Variants in MGA observed in about 807,000 individuals in gnomAD.
MGA encodes MAX gene-associated protein.
In MGA, 40 loss-of-function variants were observed where a neutral mutation model predicts 261.1. That is an observed-to-expected ratio of 0.15 (90% CI 0.12 to 0.20). MGA has a LOEUF of 0.20. Among genes scored for constraint, MGA ranks in the 10% least tolerant of loss-of-function variants. MGA has a pLI of 1.00. For synonymous variants in MGA, 1,302 were observed against 1,290.6 expected (o/e 1.01, Z -0.19); for missense variants, 3,397 against 3,630.5 (o/e 0.94, Z 1.65).
intron 1 of MGA, among the ~76,000 whole-genome samples, chr15:41,650,148 G>C (rs1325658494): frequency 6.6e-6 from 1 of 152,130 alleles, no homozygotes; most frequent in Non-Finnish European, 1.5e-5. Context: ...ATTGAGTATT[G>C]GTTATCTGAT....
At position 41,767,148 on chromosome 15, in the gene MGA, G is replaced by A. The variant is rs532901113; in HGVS notation, c.9066G>A (p.Gly3022=). The A allele has an allele frequency of 2.5e-6, 4 of 1,613,850 alleles. No individual in the cohort carries two copies. The African/African-American group carries it at 4.0e-5, about 16-fold the overall frequency. The change falls in exon 24 of 24, where the codon GGG becomes GGA. Residue 3022 remains glycine (G), a synonymous_variant. Transcript: ENST00000219905. Reference sequence around the variant, plus strand: ...TGGCACCTATAGCTGCCAAAGTTGGGTCAGTTGGACACAAAATGAACTTAA... The same window carrying A: ...TGGCACCTATAGCTGCCAAAGTTGGATCAGTTGGACACAAAATGAACTTAA...
intron 7 of MGA, 76 bp from the exon 8 acceptor site, chr15:41,710,615 C>G (rs1470557359): frequency 1.5e-6 from 2 of 1,377,412 alleles, no homozygotes; most frequent in African/African-American, 2.9e-5. Flanking sequence ...TATTCTTGGC[C>G]ATTTTTAGTG....
chr15:41,764,378 C>T (rs1288275710), intron 22 of MGA, among the ~76,000 whole-genome samples: 2 of 151,644 alleles, frequency 1.3e-5, no homozygotes, highest in Non-Finnish European at 2.9e-5. Context: ...CTCAGCCTGC[C>T]GTGTAGCTGG....
At chr15:41,704,845 C>G (rs1431684261) in intron 5 of MGA, among the ~76,000 whole-genome samples, 1 of 152,080 alleles carries the variant, frequency 6.6e-6, no homozygotes, top group Non-Finnish European at 1.5e-5. Context: ...GTAGGTGAAT[C>G]TGTCTTTGCT....
intron 22 of MGA, among the ~76,000 whole-genome samples, chr15:41,763,758 A>AAAACG (rs2063633975): frequency 6.6e-6 from 1 of 152,188 alleles, no homozygotes; most frequent in Non-Finnish European, 1.5e-5. Flanking sequence ...AAAACAAAAC[A>AAAACG]AAACAAAACA....
chr15:41,749,734 G>A lies in MGA; in HGVS notation c.6127G>A (p.Ala2043Thr). The stretch of plus-strand genomic sequence containing the variant: ...AGAATGCCTTCCAGAAGAAGGTTGT[G>A]CAACTGTCAAACCATCTGAGCATTC... The change falls in exon 17 of 24, where the codon GCA becomes ACA. Residue 2043 changes from alanine to threonine, a missense_variant. Transcript: ENST00000219905. The A allele has an allele frequency of 6.2e-7, 1 of 1,613,978 alleles. No homozygotes were observed. Among genetic ancestry groups the A allele is most frequent in the Non-Finnish European group, 8.5e-7 (1 of 1,179,884 alleles).
At chr15:41,672,172 C>T (rs2058097847) in intron 2 of MGA, among the ~76,000 whole-genome samples, 1 of 152,082 alleles carries the variant, frequency 6.6e-6, no homozygotes, top group African/African-American at 2.4e-5. Flanking sequence ...GTTTGTTTTT[C>T]GAGATAGTGT....
chr15:41,666,405 C>G (rs1011763401), intron 1 of MGA, among the ~76,000 whole-genome samples: 2 of 151,650 alleles, frequency 1.3e-5, no homozygotes, highest in South Asian at 2.1e-4. Context: ...TTTTAAAGAC[C>G]GAAATACTGT....
rs565020072 is a variant in MGA, at chr15:41,628,731, C to CA, written c.-68+7434dup. Among the ~76,000 whole-genome samples, 45 of 152,162 alleles carry CA rather than the reference C, an allele frequency of 3.0e-4. No individual in the cohort carries two copies. The East Asian group carries it at 6.4e-3, about 22-fold the overall frequency. The stretch of plus-strand genomic sequence containing the variant: ...GGGGCTCAGATTGTGTAGAGCCTTG[C>CA]AGGCCATGAGGTTTTTGGATTTTAT... On this transcript the variant is annotated intron_variant, in intron 1 of 8. Transcript: ENST00000566718.
At chr15:41,651,872 C>T (rs1338382817) in intron 1 of MGA, among the ~76,000 whole-genome samples, 2 of 92,056 alleles carry the variant, frequency 2.2e-5, no homozygotes, top group African/African-American at 8.8e-5. Flanking sequence ...TCTCTCCCCT[C>T]TTCTCTCCGC....
intron 9 of MGA, among the ~76,000 whole-genome samples, chr15:41,720,196 G>A (rs901454388): frequency 6.6e-6 from 1 of 152,134 alleles, no homozygotes; most frequent in African/African-American, 2.4e-5. Flanking sequence ...CGTGATATGG[G>A]TGATATTGGC....
At chr15:41,753,113 G>GAAAT (rs1567089956) in intron 17 of MGA, among the ~76,000 whole-genome samples, 1 of 152,092 alleles carries the variant, frequency 6.6e-6, no homozygotes, top group South Asian at 2.1e-4. Context: ...ATATTATTTA[G>GAAAT]AAATACTGCA....
intron 19 of MGA, among the ~76,000 whole-genome samples, chr15:41,759,771 G>T (rs2151984512): frequency 1.3e-5 from 2 of 152,176 alleles, no homozygotes; most frequent in Middle Eastern, 3.4e-3. Flanking sequence ...AATGTTATGG[G>T]GGTTTAGGTA....
At chr15:41,656,442 A>C (rs957432247), upstream of MGA, among the ~76,000 whole-genome samples, 1 of 147,114 alleles carries the variant, frequency 6.8e-6, no homozygotes, top group Non-Finnish European at 1.5e-5. Context: ...CCTGGGCTTA[A>C]ACAGTCCTCC....
At chr15:41,657,393 G>C (rs547948935), upstream of MGA, among the ~76,000 whole-genome samples, 1 of 127,706 alleles carries the variant, frequency 7.8e-6, no homozygotes, top group African/African-American at 3.2e-5. Context: ...TTGCTCTGTC[G>C]TTCAGGCTGG....
intron 3 of MGA, among the ~76,000 whole-genome samples, chr15:41,697,632 T>C (rs2059610631): frequency 6.6e-6 from 1 of 151,974 alleles, no homozygotes; most frequent in Admixed American, 6.6e-5. Flanking sequence ...GGCCAGCTAA[T>C]TTCTAACTTC....
intron 3 of MGA, among the ~76,000 whole-genome samples, 171 bp downstream of exon 3, chr15:41,697,194 G>A (rs961868970): frequency 6.6e-6 from 1 of 152,002 alleles, no homozygotes; most frequent in Non-Finnish European, 1.5e-5. Context: ...TTAGTTAATA[G>A]GAATAACTTA....
At position 41,766,634 on chromosome 15, in the gene MGA, T is replaced by C; in HGVS notation, c.8552T>C (p.Met2851Thr). ...GGCCTGGCTGAACTACCCAGCTCTA[T>C]GGATACAGAGTTCCCAGGGGATGCT... is the stretch of plus-strand genomic sequence containing the variant. The change falls in exon 24 of 24, where the codon ATG (methionine) becomes ACG (threonine). Residue 2851 changes from methionine (M) to threonine (T), a missense_variant. Physicochemically the swap from Met to Thr is moderately conservative, Grantham distance 81. Coordinates refer to ENST00000219905, the MANE Select transcript of MGA (RefSeq NM_001164273.2). 1 of 1,614,014 alleles carries C rather than the reference T, an allele frequency of 6.2e-7. No individual in the cohort carries two copies. The highest frequency in any genetic ancestry group is 8.5e-7 in the Non-Finnish European group (1 of 1,179,898).
chr15:41,739,444 A>G (rs767387531), intron 13 of MGA, among the ~76,000 whole-genome samples: 3 of 152,154 alleles, frequency 2.0e-5, no homozygotes, highest in Non-Finnish European at 2.9e-5. Context: ...TTTCACTTAT[A>G]TTTTTCAAAT....
Sources: allele counts gnomAD v4.1 joint callset (sites outside exome capture counted in the v4.1 genomes callset), GRCh38; gene constraint gnomAD v4.1.1; transcripts MANE v1.5; gene names NCBI Gene and HGNC (gene_info 2026-07-23, HGNC 2026-07-21).